Variants in LASP1 observed in about 807,000 individuals in gnomAD.
The protein encoded by LASP1 is LIM and SH3 domain protein 1.
Under a neutral mutation model 38.6 loss-of-function variants are expected in LASP1, and 10 were observed. That is an observed-to-expected ratio of 0.26 (90% CI 0.16 to 0.44). The LOEUF is 0.44. LASP1 is among the 20% of genes least tolerant of loss of function. LASP1 has a pLI of 1.00. For missense variants in LASP1, 243 were observed against 375.7 expected (o/e 0.65, Z 2.92); for synonymous variants, 132 against 140.8 (o/e 0.94, Z 0.44).
intron 4 of LASP1, among the ~76,000 whole-genome samples, chr17:38,907,719 C>T (rs952621759): frequency 1.3e-5 from 2 of 152,144 alleles, no homozygotes; most frequent in Non-Finnish European, 2.9e-5. Flanking sequence ...CTCCAGCCGT[C>T]GGGTCAGCCA....
At position 38,921,605 on chromosome 17, in the gene LASP1, T is replaced by A. The variant is rs1420128198; in HGVS notation, c.*2827T>A. The stretch of plus-strand genomic sequence containing the variant: ...GTGTGAAGCCGCCAGTTCATCTTTT[T>A]ATATGGGGTTGTTGTCTCATTTTGG... On this transcript the variant is annotated 3_prime_UTR_variant, in exon 7 of 7. Coordinates refer to ENST00000318008, the MANE Select transcript of LASP1 (RefSeq NM_006148.4). 8.6e-6 allele frequency: 2 copies of A among 232,858 alleles called. No individual in the cohort carries two copies. Among genetic ancestry groups the A allele is most frequent in the Admixed American group, 5.6e-5 (1 of 17,756 alleles). 14.4% of individuals were successfully genotyped at this position (232,858 alleles called of 1,614,324 possible). A position where few individuals can be genotyped will look rare whatever the true frequency, so the allele number is the denominator to read the frequency against.
intron 2 of LASP1, among the ~76,000 whole-genome samples, chr17:38,883,650 C>A (rs569457008): frequency 3.3e-5 from 5 of 151,942 alleles, no homozygotes; most frequent in African/African-American, 4.8e-5. Context: ...CTAACACCTA[C>A]GTTTTACAGA....
At chr17:38,906,607 C>T (rs1042051011) in intron 4 of LASP1, among the ~76,000 whole-genome samples, 1 of 151,914 alleles carries the variant, frequency 6.6e-6, no homozygotes. Flanking sequence ...CAAAAAAAGA[C>T]CCTAGCTGGT....
At chr17:38,914,654 G>A (rs1915057242) in intron 5 of LASP1, among the ~76,000 whole-genome samples, 179 bp downstream of exon 5, 1 of 150,536 alleles carries the variant, frequency 6.6e-6, no homozygotes, top group African/African-American at 2.5e-5. Flanking sequence ...CAGCTGGGGT[G>A]GGGAGGAAGT....
At chr17:38,903,533 T>A (rs1914699820) in intron 4 of LASP1, among the ~76,000 whole-genome samples, 1 of 151,652 alleles carries the variant, frequency 6.6e-6, no homozygotes, top group African/African-American at 2.4e-5. Context: ...CTAATTGTTA[T>A]TTTTTTTGTA....
chr17:38,882,751 C>G (rs1913992155), intron 2 of LASP1, among the ~76,000 whole-genome samples: 1 of 152,178 alleles, frequency 6.6e-6, no homozygotes, highest in South Asian at 2.1e-4. Flanking sequence ...CCTGTTCCCT[C>G]CTCTTTAGGG....
Position 38,870,133 on chromosome 17 carries a change from T to C in LASP1, c.-57T>C. 1 of 1,603,234 alleles carries C rather than the reference T, an allele frequency of 6.2e-7. No individual in the cohort carries two copies. Among genetic ancestry groups the C allele is most frequent in the South Asian group, 1.1e-5 (1 of 90,804 alleles). ...CGCGGCCGCCTCCCGCCAGCTCGCC[T>C]CGGGGAACAGGACGCGCGTGAGCTC... is the stretch of plus-strand genomic sequence containing the variant. On this transcript the variant is annotated 5_prime_UTR_variant, in exon 1 of 7. Coordinates refer to ENST00000318008, the MANE Select transcript of LASP1 (RefSeq NM_006148.4).
At chr17:38,901,654 G>A (rs1424789111) in intron 4 of LASP1, among the ~76,000 whole-genome samples, 1 of 152,184 alleles carries the variant, frequency 6.6e-6, no homozygotes, top group African/African-American at 2.4e-5. Flanking sequence ...GGTTTCTGTG[G>A]TGCTCTCTGA....
Position 38,920,106 on chromosome 17 carries a change from A to C in LASP1, c.*1328A>C. The C allele has an allele frequency of 3.7e-6, 2 of 536,806 alleles. No homozygotes were observed. Among genetic ancestry groups the C allele is most frequent in the South Asian group, 3.1e-5 (2 of 65,264 alleles). 33.3% of individuals were successfully genotyped at this position (536,806 alleles called of 1,614,324 possible). Reference sequence around the variant, plus strand: ...GGAAGCCCACCAATCTGCCCTTTGCAGTGTGCAGGGTGGAAGGTAAGAGGT... The same window carrying C: ...GGAAGCCCACCAATCTGCCCTTTGCCGTGTGCAGGGTGGAAGGTAAGAGGT... On this transcript the variant is annotated 3_prime_UTR_variant, in exon 7 of 7. Transcript: ENST00000318008.
intron 6 of LASP1, among the ~76,000 whole-genome samples, chr17:38,917,874 A>G (rs1915178257): frequency 6.6e-6 from 1 of 151,940 alleles, no homozygotes; most frequent in South Asian, 2.1e-4. Context: ...TTTTTTGTTG[A>G]GATGGGCTCA....
chr17:38,916,209 G>A (rs927607815), intron 6 of LASP1: 8 of 152,294 alleles, frequency 5.3e-5, no homozygotes, highest in Non-Finnish European at 8.8e-5. Flanking sequence ...TAAGGTCAGC[G>A]GTGACACGCT....
chr17:38,918,728 C>T lies in LASP1; in HGVS notation c.736C>T (p.Arg246Cys), dbSNP rs199894168. ...CGGCTGGATGTACGGGACGGTGGAGCGCACCGGCGACACGGGGATGCTGCC... is the reference window on the plus strand; with the variant it reads ...CGGCTGGATGTACGGGACGGTGGAGTGCACCGGCGACACGGGGATGCTGCC... ...DDGWMYGTVERTGDTGMLPAN... is the reference protein window; with the variant it reads ...DDGWMYGTVECTGDTGMLPAN... The change falls in exon 7 of 7, where the codon CGC becomes TGC. Residue 246 changes from arginine (R) to cysteine (C), a missense_variant. Physicochemically the swap from Arg to Cys is radical, Grantham distance 180. Coordinates refer to ENST00000318008, the MANE Select transcript of LASP1 (RefSeq NM_006148.4). The surrounding 1 kb of genome is among the most constrained non-coding windows in gnomAD (Gnocchi z 4.4). 2 of 1,614,096 alleles carry T rather than the reference C, an allele frequency of 1.2e-6. No homozygotes were observed. The highest frequency in any genetic ancestry group is 2.2e-5 in the East Asian group (1 of 44,872).
intron 1 of LASP1, among the ~76,000 whole-genome samples, chr17:38,873,124 C>T (rs1913657998): frequency 6.6e-6 from 1 of 152,104 alleles, no homozygotes; most frequent in Non-Finnish European, 1.5e-5. Context: ...GGCTTGCTTC[C>T]CCAGGTTTCT....
intron 6 of LASP1, chr17:38,916,571 A>G (rs1266985154): frequency 6.7e-6 from 1 of 149,764 alleles, no homozygotes; most frequent in African/African-American, 2.5e-5. Context: ...CCAAAGAAAA[A>G]AGACATTTGG....
chr17:38,903,715 A>C (rs1329773386), intron 4 of LASP1: 3 of 152,238 alleles, frequency 2.0e-5, no homozygotes, highest in African/African-American at 4.8e-5. Context: ...TCAATACTTT[A>C]AAGGCACACT....
intron 2 of LASP1, 107 bp downstream of exon 2, chr17:38,878,287 C>A: frequency 1.4e-6 from 1 of 725,598 alleles, no homozygotes; most frequent in South Asian, 1.7e-5. Context: ...CGAACACTTC[C>A]ATCCCCTACT....
chr17:38,915,185 G>A, intron 6 of LASP1, 39 bp downstream of exon 6: 1 of 1,541,266 alleles, frequency 6.5e-7, no homozygotes, highest in Non-Finnish European at 9.0e-7. Context: ...CCAGAGGCAG[G>A]GGGTCCTTCG....
In LASP1 at chr17:38,887,417, C is replaced by T. The variant is rs117377108; in HGVS notation, c.165-3003C>T. On this transcript the variant is annotated intron_variant, in intron 2 of 6. Coordinates refer to ENST00000318008, the MANE Select transcript of LASP1 (RefSeq NM_006148.4). The stretch of plus-strand genomic sequence containing the variant: ...CTCTAGGAACAGACTCGTGGTTGAT[C>T]ATCCCTTGGCCTGGAATTGTACAGG... Among the ~76,000 whole-genome samples the T allele has an allele frequency of 2.1e-3, 320 of 152,266 alleles. 9 individuals are homozygous for T. The East Asian group carries it at 0.057, about 27-fold the overall frequency.
At chr17:38,872,185 T>C (rs1361509936) in intron 1 of LASP1, among the ~76,000 whole-genome samples, 1 of 152,194 alleles carries the variant, frequency 6.6e-6, no homozygotes, top group African/African-American at 2.4e-5. Flanking sequence ...GGTATGATGA[T>C]GTCATTTCCT....
Sources: allele counts gnomAD v4.1 joint callset (sites outside exome capture counted in the v4.1 genomes callset), GRCh38; gene constraint gnomAD v4.1.1; non-coding constraint Gnocchi (gnomAD v3.1); transcripts MANE v1.5; gene names NCBI Gene and HGNC (gene_info 2026-07-23, HGNC 2026-07-21).